Variants in ANO10 observed in about 807,000 individuals in gnomAD.
ANO10 encodes the protein anoctamin 10.
A neutral mutation model predicts 74.7 loss-of-function variants in ANO10; 77 were observed. The observed-to-expected ratio is 1.03, with a 90% confidence interval of 0.86 to 1.25. The LOEUF is 1.25. ANO10 is among the 50% of genes most tolerant of loss of function. The probability of loss-of-function intolerance (pLI) is 0.00; values close to 1 mark genes in which losing one functional copy is unlikely to be tolerated. For synonymous variants in ANO10, 279 were observed against 284.9 expected (o/e 0.98, Z 0.21); for missense variants, 721 against 778.1 (o/e 0.93, Z 0.87).
intron 11 of ANO10, among the ~76,000 whole-genome samples, chr3:43,500,706 C>A (rs1055529770): frequency 7.9e-5 from 12 of 152,186 alleles, no homozygotes; most frequent in Non-Finnish European, 1.8e-4. Flanking sequence ...TCACGATTTG[C>A]CTTTTCAACC....
intron 9 of ANO10, among the ~76,000 whole-genome samples, chr3:43,557,135 T>C (rs2079789020): frequency 6.6e-6 from 1 of 151,930 alleles, no homozygotes; most frequent in Non-Finnish European, 1.5e-5. Context: ...ACAGATAATT[T>C]ATTCATTATA....
At chr3:43,453,376 T>C (rs183143195) in intron 11 of ANO10, among the ~76,000 whole-genome samples, 314 of 152,270 alleles carry the variant, frequency 2.1e-3, no homozygotes, top group African/African-American at 6.3e-3. Context: ...AGACGGGGTT[T>C]CACTGTGTTA....
intron 10 of ANO10, among the ~76,000 whole-genome samples, chr3:43,554,966 AGAGGGTCT>A (rs1483342761): frequency 6.6e-6 from 1 of 152,218 alleles, no homozygotes; most frequent in Non-Finnish European, 1.5e-5. Flanking sequence ...ACTGTAGCAG[AGAGGGTCT>A]CATTAATACT....
At chr3:43,627,620 C>T (rs2083504565) in intron 1 of ANO10, among the ~76,000 whole-genome samples, 1 of 152,222 alleles carries the variant, frequency 6.6e-6, no homozygotes, top group Non-Finnish European at 1.5e-5. Context: ...TAACCTCCAC[C>T]TGCCTGATAC....
intron 11 of ANO10, among the ~76,000 whole-genome samples, chr3:43,476,670 T>C (rs535211875): frequency 5.2e-4 from 79 of 152,346 alleles, no homozygotes; most frequent in Non-Finnish European, 8.1e-4. Flanking sequence ...TATCGGTTTT[T>C]TCCCTTACTT....
chr3:43,673,710 C>A lies in ANO10; in HGVS notation c.-12+17807G>T, dbSNP rs150979589. 3.7e-4 allele frequency among the ~76,000 whole-genome samples: 57 copies of A among 152,180 alleles called. No individual in the cohort carries two copies. The East Asian group carries it at 6.0e-3, about 16-fold the overall frequency. On this transcript the variant is annotated intron_variant, in intron 1 of 3. Transcript: ENST00000413397. ...ACTGATTCTACTGAAAATAAAAATT[C>A]ATGGCTCTTCTATTGTATTAAATGA...
chr3:43,519,161 C>T (rs916099090), intron 11 of ANO10, among the ~76,000 whole-genome samples: 2 of 152,240 alleles, frequency 1.3e-5, no homozygotes, highest in African/African-American at 2.4e-5. Flanking sequence ...AAAGAACCTA[C>T]GTTGAAATAT....
intron 11 of ANO10, among the ~76,000 whole-genome samples, chr3:43,500,430 C>T (rs1287642476): frequency 6.6e-6 from 1 of 152,194 alleles, no homozygotes; most frequent in Non-Finnish European, 1.5e-5. Context: ...ATTTTCTATA[C>T]TGACTGAAAC....
At chr3:43,529,312 T>C (rs898486538) in intron 11 of ANO10, among the ~76,000 whole-genome samples, 3 of 152,240 alleles carry the variant, frequency 2.0e-5, no homozygotes, top group Non-Finnish European at 2.9e-5. Flanking sequence ...ATACATGTTA[T>C]AGAACCTAAT....
At chr3:43,682,484 C>T (rs1261917012) in intron 1 of ANO10, among the ~76,000 whole-genome samples, 9 of 152,102 alleles carry the variant, frequency 5.9e-5, no homozygotes, top group East Asian at 3.8e-4. Flanking sequence ...GATTCACAGC[C>T]GAATTCTACC....
At chr3:43,551,997 C>G (rs1196513050) in intron 10 of ANO10, among the ~76,000 whole-genome samples, 1 of 152,082 alleles carries the variant, frequency 6.6e-6, no homozygotes, top group African/African-American at 2.4e-5. Flanking sequence ...TTTTTCATTT[C>G]TCTGCTTTCT....
At chr3:43,546,790 T>A (rs371804957) in intron 11 of ANO10, among the ~76,000 whole-genome samples, 2 of 152,122 alleles carry the variant, frequency 1.3e-5, no homozygotes, top group African/African-American at 4.8e-5. Context: ...GAACAGGGCC[T>A]TAGGGACCTG....
chr3:43,618,833 G>A (rs921074348), intron 1 of ANO10, among the ~76,000 whole-genome samples: 4 of 151,226 alleles, frequency 2.6e-5, no homozygotes, highest in African/African-American at 9.7e-5. Flanking sequence ...GCAGAGTCTC[G>A]CTCTGTCGCC....
chr3:43,573,066 A>G (rs2080817444), intron 7 of ANO10, among the ~76,000 whole-genome samples: 1 of 152,142 alleles, frequency 6.6e-6, no homozygotes, highest in Non-Finnish European at 1.5e-5. Flanking sequence ...AGTCTCATAA[A>G]TAACTGAATT....
At chr3:43,578,836 C>A (rs1433907991) in intron 5 of ANO10, among the ~76,000 whole-genome samples, 1 of 149,072 alleles carries the variant, frequency 6.7e-6, no homozygotes, top group African/African-American at 2.5e-5. Context: ...AAATTTCCTG[C>A]CACTTAAATG....
chr3:43,390,968 T>G (rs1369397049), intron 12 of ANO10, among the ~76,000 whole-genome samples: 1 of 152,202 alleles, frequency 6.6e-6, no homozygotes, highest in African/African-American at 2.4e-5. Context: ...ATTTTAACTT[T>G]GACATTATCT....
chr3:43,634,902 T>A (rs2083590025), intron 1 of ANO10, among the ~76,000 whole-genome samples: 1 of 152,068 alleles, frequency 6.6e-6, no homozygotes, highest in Non-Finnish European at 1.5e-5. Flanking sequence ...AAAGGAGATG[T>A]GGTCCTGTGG....
At chr3:43,647,100 A>G (rs1169878083) in intron 1 of ANO10, among the ~76,000 whole-genome samples, 4 of 150,940 alleles carry the variant, frequency 2.7e-5, no homozygotes, top group African/African-American at 2.4e-5. Flanking sequence ...AGAAGACTGG[A>G]TGTATTAGTG....
At chr3:43,414,598 A>G (rs6781290) in intron 12 of ANO10, among the ~76,000 whole-genome samples, 28,810 of 152,086 alleles carry the variant, frequency 0.19, 3,225 homozygotes, top group Middle Eastern at 0.36. Flanking sequence ...GCCTTTCAAA[A>G]CGACCTGTTT....
Sources: allele counts gnomAD v4.1 joint callset (sites outside exome capture counted in the v4.1 genomes callset), GRCh38; gene constraint gnomAD v4.1.1; transcripts MANE v1.5; gene names NCBI Gene and HGNC (gene_info 2026-07-23, HGNC 2026-07-21).